MISP: variants seen among roughly 807,000 people sequenced by gnomAD.
MISP encodes mitotic interactor and substrate of PLK1.
MISP carries 51 observed loss-of-function variants against 49.3 expected under a neutral mutation model. The ratio of observed to expected loss-of-function variants is 1.03; its 90% CI spans 0.83 to 1.31. The LOEUF is 1.31. MISP is among the 50% of genes most tolerant of loss of function. The pLI, the probability that MISP is intolerant of heterozygous loss-of-function variation, is 0.00. For missense variants in MISP, 1,084 were observed against 935.1 expected (o/e 1.16, Z -2.08); for synonymous variants, 444 against 392.6 (o/e 1.13, Z -1.55).
chr19:759,334 T>A (rs1426153019), intron 2 of MISP, among the ~76,000 whole-genome samples: 3 of 151,678 alleles, frequency 2.0e-5, no homozygotes, highest in Non-Finnish European at 4.4e-5. Context: ...TGTTCATATA[T>A]GTTTATCCTC....
intron 1 of MISP, among the ~76,000 whole-genome samples, 184 bp from the exon 2 acceptor site, chr19:756,705 AC>A (rs1173799168): frequency 6.6e-6 from 1 of 151,590 alleles, no homozygotes; most frequent in East Asian, 1.9e-4. Context: ...TCACTTACGC[AC>A]CCCTAAACCA....
intron 1 of MISP, among the ~76,000 whole-genome samples, chr19:751,606 C>G (rs1390157170): frequency 2.6e-5 from 4 of 152,026 alleles, no homozygotes; most frequent in Non-Finnish European, 5.9e-5. Context: ...CAGTAAACAC[C>G]CCCGTGGGGC....
chr19:750,361 C>T (rs908222180), upstream of MISP, among the ~76,000 whole-genome samples: 15 of 151,868 alleles, frequency 9.9e-5, no homozygotes, highest in African/African-American at 3.4e-4. Flanking sequence ...CACCATACCC[C>T]GCTAAATTTT....
chr19:755,288 C>T (rs927189044), intron 1 of MISP, among the ~76,000 whole-genome samples: 18 of 152,200 alleles, frequency 1.2e-4, no homozygotes, highest in East Asian at 1.9e-4. Context: ...GTCACCCGCT[C>T]GCTCCACGGC....
In MISP at chr19:758,215, T is replaced by G. The variant is rs747282349; in HGVS notation, c.1269T>G (p.Asp423Glu). ...EVRKVNRIPP[D>E]AYQPYLSPGT... ...GGAAGGTGAACCGCATCCCACCTGA[T>G]GCCTACCAGCCGTACCTGAGCCCCG... Residue 423 changes from aspartate (D) to glutamate (E), a missense_variant, in exon 2 of 5, where the codon GAT (aspartate) becomes GAG (glutamate). Physicochemically the swap from Asp to Glu is conservative, Grantham distance 45 (BLOSUM62 2). Transcript: ENST00000215582. 6 of 1,612,654 alleles carry G rather than the reference T, an allele frequency of 3.7e-6. No homozygotes were observed. The highest frequency in any genetic ancestry group is 4.5e-5 in the East Asian group (2 of 44,828).
upstream of MISP, among the ~76,000 whole-genome samples, chr19:749,662 C>T (rs1054935672): frequency 6.6e-6 from 1 of 152,166 alleles, no homozygotes; most frequent in Non-Finnish European, 1.5e-5. Context: ...AAAACCCTGT[C>T]TCTACTAAAA....
At position 758,304 on chromosome 19, in the gene MISP, C is replaced by T. The variant is rs199803304; in HGVS notation, c.1358C>T (p.Ala453Val). 7.9e-5 allele frequency: 128 copies of T among 1,613,964 alleles called. 1 individual carries two copies. Among genetic ancestry groups the T allele is most frequent in the South Asian group, 3.7e-4 (34 of 91,094 alleles). The change falls in exon 2 of 5, where the codon GCG becomes GTG. Residue 453 changes from alanine (A) to valine (V), a missense_variant. Coordinates refer to ENST00000215582, the MANE Select transcript of MISP (RefSeq NM_173481.4). ...GGCAAGCCCAGCAGTCTCTCCACAG[C>T]GGAGGCCAAGGCTGCGACTTCACCA... ...AFGKPSSLST[A>V]EAKAATSPKA...
In MISP at chr19:757,470, C is replaced by T. The variant is rs764486603; in HGVS notation, c.524C>T (p.Pro175Leu). 2 of 1,594,734 alleles carry T rather than the reference C, an allele frequency of 1.3e-6. No individual in the cohort carries two copies. The highest frequency in any genetic ancestry group is 8.5e-7 in the Non-Finnish European group (1 of 1,171,436). ...PDHGDPRTPG[P>L]PRSTPLEENV... ...CACGGAGACCCCAGGACCCCCGGCC[C>T]ACCTCGGTCCACGCCCCTGGAGGAG... The change falls in exon 2 of 5, where the codon CCA becomes CTA. Residue 175 changes from proline to leucine, a missense_variant. Coordinates refer to ENST00000215582, the MANE Select transcript of MISP (RefSeq NM_173481.4).
intron 4 of MISP, among the ~76,000 whole-genome samples, chr19:762,654 T>G (rs542203185): frequency 1.3e-5 from 2 of 151,100 alleles, no homozygotes; most frequent in South Asian, 4.2e-4. Flanking sequence ...TTTATTTTTA[T>G]TTTTTTTTAT....
In MISP at chr19:758,440, C is replaced by T. The variant is rs140988993; in HGVS notation, c.1494C>T (p.Val498=). 815 of 1,614,212 alleles carry T rather than the reference C, an allele frequency of 5.0e-4. 4 individuals carry two copies. In the African/African-American group the frequency reaches 9.5e-3, roughly 19 times the overall value. ...PRGCPQANRG[V]VRWEYFRLRP... ...GATGCCCGCAAGCCAACAGGGGTGT[C>T]GTGCGGTGGGAGTACTTCCGCCTGC... Residue 498 remains valine (V), a synonymous_variant, in exon 2 of 5, where the codon GTC becomes GTT. Transcript: ENST00000215582.
In MISP at chr19:758,114, C is replaced by A; in HGVS notation, c.1168C>A (p.Arg390=). 6.2e-7 allele frequency: 1 copy of A among 1,603,100 alleles called. No individual in the cohort carries two copies. Among genetic ancestry groups the A allele is most frequent in the Admixed American group, 1.7e-5 (1 of 59,238 alleles). The change falls in exon 2 of 5, where the codon CGG becomes AGG. Residue 390 remains arginine, a synonymous_variant. Coordinates refer to ENST00000215582, the MANE Select transcript of MISP (RefSeq NM_173481.4). ...WVSEGPQPGL[R]RALSSDSILS... is the part of the protein sequence containing the mutation. ...CTCGGAGGGTCCCCAGCCCGGACTC[C>A]GGAGAGCCCTCAGCTCAGATTCCAT... is the stretch of plus-strand genomic sequence containing the variant.
At chr19:753,907 G>T (rs2033501932) in intron 1 of MISP, among the ~76,000 whole-genome samples, 1 of 152,148 alleles carries the variant, frequency 6.6e-6, no homozygotes, top group Non-Finnish European at 1.5e-5. Context: ...CTCCCAAGTA[G>T]CTGGGATTAC....
At position 763,665 on chromosome 19, in the gene MISP, C is replaced by T. The variant is rs1409903083; in HGVS notation, c.*75C>T. ...ACTGCCAAGACCATCGCCAAGCCCC[C>T]ACCCTAGGAAATGGGTCCTAGGTCC... On this transcript the variant is annotated 3_prime_UTR_variant, in exon 5 of 5. Coordinates refer to ENST00000215582, the MANE Select transcript of MISP (RefSeq NM_173481.4). 7 of 1,091,950 alleles carry T rather than the reference C, an allele frequency of 6.4e-6. No individual in the cohort carries two copies. Among genetic ancestry groups the T allele is most frequent in the Non-Finnish European group, 9.6e-6 (7 of 731,716 alleles). 67.6% of individuals were successfully genotyped at this position (1,091,950 alleles called of 1,614,324 possible).
At chr19:761,567 G>C (rs575879961) in intron 3 of MISP, 58 bp from the exon 4 acceptor site, 2 of 1,598,404 alleles carry the variant, frequency 1.3e-6, no homozygotes, top group East Asian at 4.5e-5. Flanking sequence ...AGCTCTGGTC[G>C]GACTCTGCAC....
Position 758,603 on chromosome 19 carries a change from A to G in MISP, c.1657A>G (p.Ser553Gly). The change falls in exon 2 of 5, where the codon AGT becomes GGT. Residue 553 changes from serine to glycine, a missense_variant. Transcript: ENST00000215582. ...TGATCTGCTGGAAAGGGAGAGGGAG[A>G]GTGTCCTGCGCCGGGAGCAAGAGGT... is the stretch of plus-strand genomic sequence containing the variant. ...SSDLLERERE[S>G]VLRREQEVAE... 3 of 1,614,110 alleles carry G rather than the reference A, an allele frequency of 1.9e-6. No homozygotes were observed. Among genetic ancestry groups the G allele is most frequent in the Non-Finnish European group, 2.5e-6 (3 of 1,180,006 alleles).
At chr19:750,628 GA>G (rs2033447329), upstream of MISP, among the ~76,000 whole-genome samples, 1 of 152,142 alleles carries the variant, frequency 6.6e-6, no homozygotes, top group African/African-American at 2.4e-5. Flanking sequence ...GGTGGGATCA[GA>G]ACCCAGGCCA....
chr19:749,553 A>G (rs2384775), upstream of MISP, among the ~76,000 whole-genome samples: 141,152 of 152,292 alleles, frequency 0.93, 65,508 homozygotes, highest in East Asian at 1. Flanking sequence ...CATCTTGGCC[A>G]GGCGCCGTGG....
At chr19:761,595 C>G (rs768486306) in intron 3 of MISP, 30 bp from the exon 4 acceptor site, 1 of 1,613,896 alleles carries the variant, frequency 6.2e-7, no homozygotes, top group South Asian at 1.1e-5. Context: ...GGCAGAAAGG[C>G]CTGGGCTGAC....
chr19:759,929 G>A lies in MISP; in HGVS notation c.1801G>A (p.Val601Met). The A allele has an allele frequency of 6.2e-7, 1 of 1,614,090 alleles. No individual in the cohort carries two copies. The highest frequency in any genetic ancestry group is 8.5e-7 in the Non-Finnish European group (1 of 1,179,970). The change falls in exon 3 of 5, where the codon GTG becomes ATG. Residue 601 changes from valine (V) to methionine (M), a missense_variant. Transcript: ENST00000215582. ...QASGITGSYS[V>M]SESPFFSPIH... ...TACAGGCATCACGGGCAGTTACTCG[G>A]TGTCTGAGTCTCCCTTCTTCAGCCC...
Sources: gnomAD v4.1 joint callset for allele counts (sites outside exome capture counted in the v4.1 genomes callset) on GRCh38, gnomAD v4.1.1 for gene constraint, MANE v1.5 for transcripts, NCBI Gene and HGNC (gene_info 2026-07-23, HGNC 2026-07-21) for gene names.